GPC6: variants seen among roughly 807,000 people sequenced by gnomAD.
The protein encoded by GPC6 is glypican-6.
In GPC6, 14 loss-of-function variants were observed where a neutral mutation model predicts 55.2. The ratio of observed to expected loss-of-function variants is 0.25; its 90% CI spans 0.17 to 0.40. The LOEUF (loss-of-function observed/expected upper bound fraction) is 0.40. GPC6 is among the 10% of genes least tolerant of loss of function. The pLI is 1.00. For missense variants in GPC6, 641 were observed against 708.5 expected (o/e 0.90, Z 1.08); for synonymous variants, 278 against 259.6 (o/e 1.07, Z -0.68).
At chr13:94,274,903 C>T (rs1183302590) in intron 4 of GPC6, among the ~76,000 whole-genome samples, 1 of 152,096 alleles carries the variant, frequency 6.6e-6, no homozygotes, top group Non-Finnish European at 1.5e-5. Flanking sequence ...TCTTCATCTA[C>T]ATTATAACAC....
At chr13:93,723,344 C>T (rs1004662655) in intron 2 of GPC6, among the ~76,000 whole-genome samples, 1 of 151,968 alleles carries the variant, frequency 6.6e-6, no homozygotes, top group African/African-American at 2.4e-5. Flanking sequence ...TGTGTCTTTT[C>T]GTGATCTCTG....
chr13:93,291,952 T>A (rs1405385156), intron 1 of GPC6, among the ~76,000 whole-genome samples: 1 of 152,174 alleles, frequency 6.6e-6, no homozygotes, highest in Non-Finnish European at 1.5e-5. Flanking sequence ...TACAAAAATA[T>A]AAAAGTTAAA....
At chr13:94,278,121 G>A (rs1040740941) in intron 4 of GPC6, among the ~76,000 whole-genome samples, 1 of 152,106 alleles carries the variant, frequency 6.6e-6, no homozygotes, top group Non-Finnish European at 1.5e-5. Flanking sequence ...TTGAGCAGTG[G>A]TTTGTAGTTC....
chr13:93,348,715 TAA>T (rs1425231733), intron 1 of GPC6, among the ~76,000 whole-genome samples: 1 of 152,238 alleles, frequency 6.6e-6, no homozygotes, highest in Non-Finnish European at 1.5e-5. Flanking sequence ...TGCAAAAATA[TAA>T]AGTTAAGCAG....
intron 2 of GPC6, among the ~76,000 whole-genome samples, chr13:93,826,048 C>A (rs186219351): frequency 2.0e-5 from 3 of 151,496 alleles, no homozygotes; most frequent in African/African-American, 7.3e-5. Context: ...TTAGTAGAGA[C>A]GGGGTTTCAC....
chr13:93,811,801 A>C (rs1348364562), intron 2 of GPC6, among the ~76,000 whole-genome samples: 1 of 152,160 alleles, frequency 6.6e-6, no homozygotes, highest in African/African-American at 2.4e-5. Flanking sequence ...ATGTGTAAGG[A>C]AACAAAAAGA....
chr13:94,306,036 A>G lies in GPC6; in HGVS notation c.1065A>G (p.Ser355=), dbSNP rs1875925746. Residue 355 remains serine, a synonymous_variant, in exon 6 of 9, where the codon TCA becomes TCG. Coordinates refer to ENST00000377047, the MANE Select transcript of GPC6 (RefSeq NM_005708.5). ...CTCCAGCCCTCAGATCTGCCCGCTCAGCTCCTGAAAATTTTAATACACGTT... is the reference window on the plus strand; with the variant it reads ...CTCCAGCCCTCAGATCTGCCCGCTCGGCTCCTGAAAATTTTAATACACGTT... The part of the protein sequence containing the change: ...KPAPALRSAR[S]APENFNTRFR... The G allele has an allele frequency of 6.2e-7, 1 of 1,614,174 alleles. No homozygotes were observed. Among genetic ancestry groups the G allele is most frequent in the African/African-American group, 1.3e-5 (1 of 75,056 alleles).
chr13:93,618,149 C>T (rs145555417), intron 2 of GPC6, among the ~76,000 whole-genome samples: 9 of 152,024 alleles, frequency 5.9e-5, no homozygotes, highest in African/African-American at 2.2e-4. Context: ...GATTGACTTC[C>T]ATAGTCACCA....
intron 3 of GPC6, among the ~76,000 whole-genome samples, chr13:93,837,491 C>G (rs905904959): frequency 1.3e-5 from 2 of 152,096 alleles, no homozygotes; most frequent in African/African-American, 4.8e-5. Flanking sequence ...AAAAACAGAG[C>G]CACTATAGAG....
rs554062035 is a variant in GPC6 at position 93,408,512 on chromosome 13, T to C, written c.161-136751T>C. Among the ~76,000 whole-genome samples, 190 of 152,264 alleles carry C rather than the reference T, an allele frequency of 1.2e-3. 1 individual carries two copies. The highest frequency in any genetic ancestry group is 2.5e-3 in the Non-Finnish European group (173 of 68,010). On this transcript the variant is annotated intron_variant, in intron 1 of 8. Coordinates refer to ENST00000377047, the MANE Select transcript of GPC6 (RefSeq NM_005708.5). ...AAGCAAACTGAGCAATATTATTGGA[T>C]AGGTGCAATGAAAGCAGTGCAAAAC...
At chr13:93,258,026 A>C (rs941068987) in intron 1 of GPC6, among the ~76,000 whole-genome samples, 1 of 152,204 alleles carries the variant, frequency 6.6e-6, no homozygotes, top group Non-Finnish European at 1.5e-5. Context: ...CATTTTAGTC[A>C]TTATGGGTAA....
At chr13:94,236,455 A>G (rs1890878424) in intron 4 of GPC6, among the ~76,000 whole-genome samples, 2 of 152,272 alleles carry the variant, frequency 1.3e-5, no homozygotes, top group South Asian at 2.1e-4. Flanking sequence ...TATTAAGACT[A>G]GGGGGCTTCC....
chr13:94,297,369 A>C (rs1243999119), intron 5 of GPC6, among the ~76,000 whole-genome samples: 2 of 152,168 alleles, frequency 1.3e-5, no homozygotes, highest in Non-Finnish European at 2.9e-5. Flanking sequence ...AAGTGATCTT[A>C]CAGAACTGCT....
rs114136859 is a variant in GPC6, at chr13:94,143,199, A to C, written c.877+115305A>C. ...CAAAATATAATTAATATTTCTCATT[A>C]GTTTATTTTCAAGATTAGGTGAGAT... On this transcript the variant is annotated intron_variant, in intron 4 of 8. Transcript: ENST00000377047. Among the ~76,000 whole-genome samples the C allele has an allele frequency of 6.5e-3, 996 of 152,118 alleles. 14 individuals are homozygous for C. Among genetic ancestry groups the C allele is most frequent in the African/African-American group, 0.023 (943 of 41,510 alleles).
chr13:93,684,376 T>C lies in GPC6; in HGVS notation c.319+138955T>C, dbSNP rs553019045. On this transcript the variant is annotated intron_variant, in intron 2 of 8. Coordinates refer to ENST00000377047, the MANE Select transcript of GPC6 (RefSeq NM_005708.5). ...AATTTTTCTGTATTTTTAGTAGAGG[T>C]GGGATTTCATCATGTTGGCCAGGCT... Among the ~76,000 whole-genome samples the C allele has an allele frequency of 1.4e-3, 218 of 152,098 alleles. 1 individual carries two copies. Among genetic ancestry groups the C allele is most frequent in the African/African-American group, 5.1e-3 (210 of 41,532 alleles).
chr13:93,417,761 A>G (rs908193149), intron 1 of GPC6, among the ~76,000 whole-genome samples: 15 of 152,142 alleles, frequency 9.9e-5, no homozygotes, highest in Admixed American at 9.2e-4. Flanking sequence ...GCCTGCAAGA[A>G]CAGATTAGAA....
At chr13:93,387,265 G>A (rs879149551) in intron 1 of GPC6, among the ~76,000 whole-genome samples, 1 of 151,686 alleles carries the variant, frequency 6.6e-6, no homozygotes, top group Non-Finnish European at 1.5e-5. Flanking sequence ...CTATCAACCC[G>A]TCATCCAGGT....
chr13:93,282,522 GA>G (rs199977909), intron 1 of GPC6, among the ~76,000 whole-genome samples: 3,800 of 135,064 alleles, frequency 0.028, 133 homozygotes, highest in African/African-American at 0.089. Context: ...GAATTACAGT[GA>G]AAAAAAAAAA....
intron 1 of GPC6, among the ~76,000 whole-genome samples, chr13:93,452,313 T>G (rs1185154495): frequency 2.6e-5 from 4 of 152,250 alleles, no homozygotes; most frequent in Non-Finnish European, 4.4e-5. Context: ...GCATTGTATA[T>G]TCACTTGTTC....
Sources: allele counts gnomAD v4.1 joint callset (sites outside exome capture counted in the v4.1 genomes callset), GRCh38; gene constraint gnomAD v4.1.1; transcripts MANE v1.5; gene names NCBI Gene and HGNC (gene_info 2026-07-23, HGNC 2026-07-21).